ARFGAP1: variants seen among roughly 807,000 people sequenced by gnomAD.
The protein encoded by ARFGAP1 is ARF GTPase activating protein 1, also known as ADP-ribosylation factor GTPase-activating protein 1.
ARFGAP1 carries 26 observed loss-of-function variants against 54.0 expected under a neutral mutation model. The ratio of observed to expected loss-of-function variants is 0.48; its 90% CI spans 0.35 to 0.67. The LOEUF is 0.67. ARFGAP1 is among the 30% of genes least tolerant of loss of function. ARFGAP1 has a pLI of 0.00. For missense variants in ARFGAP1, 525 were observed against 535.8 expected (o/e 0.98, Z 0.20); for synonymous variants, 248 against 211.9 (o/e 1.17, Z -1.48).
chr20:63,282,989 G>A (rs2067426515), intron 9 of ARFGAP1, 138 bp downstream of exon 9: 2 of 945,584 alleles, frequency 2.1e-6, no homozygotes, highest in Admixed American at 3.9e-5. Context: ...CGTAGAAGGG[G>A]GTGTTCCTGC....
At chr20:63,280,355 G>A (rs2067348225) in intron 7 of ARFGAP1, among the ~76,000 whole-genome samples, 1 of 152,150 alleles carries the variant, frequency 6.6e-6, no homozygotes, top group Non-Finnish European at 1.5e-5. Flanking sequence ...ATAGCTCACT[G>A]TGGCCTGGAA....
In ARFGAP1 at chr20:63,287,768, C is replaced by G. The variant is rs745554334; in HGVS notation, c.1116C>G (p.Thr372=). The G allele has an allele frequency of 6.3e-7, 1 of 1,599,902 alleles. No homozygotes were observed. Among genetic ancestry groups the G allele is most frequent in the Non-Finnish European group, 8.5e-7 (1 of 1,172,498 alleles). ...DSWEVWGSAS[T]NRNSNSDGGE... is the part of the protein sequence containing the mutation. The stretch of plus-strand genomic sequence containing the variant: ...GGGAGGTGTGGGGCTCGGCCTCCAC[C>G]AACAGGAACAGCAACAGCGACGGCG... Residue 372 remains threonine (T), a synonymous_variant, in exon 13 of 13, where the codon ACC becomes ACG. Transcript: ENST00000370283.
intron 5 of ARFGAP1, 139 bp downstream of exon 5, chr20:63,277,444 A>T: frequency 2.8e-6 from 2 of 712,954 alleles, no homozygotes; most frequent in South Asian, 2.6e-5. Flanking sequence ...ACAGCTTTTT[A>T]AAATTGCCAA....
At position 63,276,500 on chromosome 20, in the gene ARFGAP1, T is replaced by C; in HGVS notation, c.191T>C (p.Met64Thr). The C allele has an allele frequency of 1.2e-6, 2 of 1,613,216 alleles. No individual in the cohort carries two copies. The highest frequency in any genetic ancestry group is 1.7e-6 in the Non-Finnish European group (2 of 1,179,560). ...VHLSFVRSVTMDKWKDIELEK... is the reference protein window; with the variant it reads ...VHLSFVRSVTTDKWKDIELEK... ...TCCAGCTTTGTGCGCTCTGTTACTA[T>C]GGACAAGTGGAAGGACATTGAGCTT... is the stretch of plus-strand genomic sequence containing the variant. The change falls in exon 4 of 13, where the codon ATG (methionine) becomes ACG (threonine). Residue 64 changes from methionine to threonine, a missense_variant. Met to Thr is a moderately conservative substitution (Grantham distance 81). This residue lies in a region of ARFGAP1 where 466 missense variants were observed against 453.6 expected (regional missense o/e 1.03). Coordinates refer to ENST00000370283, the MANE Select transcript of ARFGAP1 (RefSeq NM_018209.4). The surrounding 1 kb of genome is among the most constrained non-coding windows in gnomAD (Gnocchi z 5.2).
intron 9 of ARFGAP1, chr20:63,284,108 G>A (rs762679600): frequency 3.5e-5 from 47 of 1,327,758 alleles, no homozygotes; most frequent in African/African-American, 7.6e-5. Flanking sequence ...CGCTCCCCCC[G>A]GGCAAAAAAA....
chr20:63,273,641 T>A (rs1259185118), intron 1 of ARFGAP1: 1 of 152,202 alleles, frequency 6.6e-6, no homozygotes, highest in African/African-American at 2.4e-5. Context: ...TTACACACTC[T>A]CTCCCTCCGG....
rs961735000 is a variant in ARFGAP1 at position 63,284,857 on chromosome 20, T to G, written c.718-9T>G. On this transcript the variant is annotated splice_polypyrimidine_tract_variant and intron_variant, in intron 9 of 12. Transcript: ENST00000370283. ...TGTCGTGGGGCTCACGTGACTTCCCTTCCTACAGGCGTCCGAGCTGGGCCA... is the reference window on the plus strand; with the variant it reads ...TGTCGTGGGGCTCACGTGACTTCCCGTCCTACAGGCGTCCGAGCTGGGCCA... The G allele has an allele frequency of 6.2e-7, 1 of 1,612,478 alleles. No individual in the cohort carries two copies. The highest frequency in any genetic ancestry group is 1.3e-5 in the African/African-American group (1 of 74,910).
chr20:63,275,697 G>A (rs949792561), intron 2 of ARFGAP1, 57 bp downstream of exon 2: 23 of 1,553,600 alleles, frequency 1.5e-5, no homozygotes, highest in East Asian at 4.5e-5. Flanking sequence ...AGTGAGTTCC[G>A]GGAAGTTGTA....
intron 7 of ARFGAP1, among the ~76,000 whole-genome samples, chr20:63,279,868 A>G (rs1438837990): frequency 6.6e-6 from 1 of 152,162 alleles, no homozygotes; most frequent in African/African-American, 2.4e-5. Context: ...TGTAGGTGTG[A>G]TGGCTCACGC....
chr20:63,277,764 T>C (rs930788060), intron 5 of ARFGAP1, among the ~76,000 whole-genome samples: 34 of 152,338 alleles, frequency 2.2e-4, no homozygotes, highest in Admixed American at 1.4e-3. Context: ...AGCCCTGTAG[T>C]CCTGCCACAT....
chr20:63,274,017 T>G (rs1008002526), intron 1 of ARFGAP1: 1 of 152,202 alleles, frequency 6.6e-6, no homozygotes, highest in African/African-American at 2.4e-5. Context: ...TATAGGTGGA[T>G]GCTCAGTTTG....
chr20:63,286,436 T>C lies in ARFGAP1; in HGVS notation c.905T>C (p.Leu302Ser). 1 of 1,613,298 alleles carries C rather than the reference T, an allele frequency of 6.2e-7. No individual in the cohort carries two copies. Residue 302 changes from leucine (L) to serine (S), a missense_variant, in exon 12 of 13, where the codon TTG becomes TCG. Around this residue, in one of 3 missense-constraint regions of ARFGAP1, gnomAD observed 466 missense variants for 453.6 expected, o/e 1.03. Transcript: ENST00000370283. ...TTTTCGGGGAAAGCAGAGGGCCCCT[T>C]GGACAGGTATGCTGTGTCCCCTCCT... ...TFFSGKAEGP[L>S]DSPSEGHSYQ...
Position 63,276,296 on chromosome 20 carries a change from G to T in ARFGAP1, c.170+96G>T, listed in dbSNP as rs547034152. 7.5e-6 allele frequency: 11 copies of T among 1,457,276 alleles called. No individual in the cohort carries two copies. Among genetic ancestry groups the T allele is most frequent in the Non-Finnish European group, 1.0e-5 (11 of 1,049,910 alleles). The allele number at this position is 1,457,276 out of a possible 1,614,324, so 90.3% of individuals were successfully genotyped here. ...GTGCTGACGCCAGGGAAGCTTGGGG[G>T]CCACCTCCCATTGCATTGCCAGTGT... On this transcript the variant is annotated intron_variant, in intron 3 of 12. Coordinates refer to ENST00000370283, the MANE Select transcript of ARFGAP1 (RefSeq NM_018209.4). This position sits in a 1 kb window ranked among gnomAD's most constrained non-coding sequence, Gnocchi z 5.2.
intron 1 of ARFGAP1, chr20:63,273,282 G>A (rs2123186243): frequency 6.6e-6 from 1 of 152,342 alleles, no homozygotes; most frequent in African/African-American, 2.4e-5. Flanking sequence ...GCCTCCCGGG[G>A]CGCGAGCAGG....
intron 9 of ARFGAP1, chr20:63,284,392 C>T: frequency 9.3e-7 from 1 of 1,071,594 alleles, no homozygotes; most frequent in Non-Finnish European, 1.1e-6. Flanking sequence ...TCCACTGACC[C>T]AGGATCAGGA....
At position 63,277,320 on chromosome 20, in the gene ARFGAP1, T is replaced by C. The variant is rs778653729; in HGVS notation, c.443+15T>C. On this transcript the variant is annotated intron_variant, in intron 5 of 12. Transcript: ENST00000370283. ...ATGGTGCACCGGTAGCTGCTCCTCGTGGGGCCTTAGTACAGTTTCCACTGG... is the reference window on the plus strand; with the variant it reads ...ATGGTGCACCGGTAGCTGCTCCTCGCGGGGCCTTAGTACAGTTTCCACTGG... The C allele has an allele frequency of 6.2e-7, 1 of 1,608,468 alleles. No homozygotes were observed. Among genetic ancestry groups the C allele is most frequent in the South Asian group, 1.1e-5 (1 of 90,598 alleles).
intron 9 of ARFGAP1, chr20:63,283,799 GCCGCC>G: frequency 6.2e-7 from 1 of 1,608,092 alleles, no homozygotes; most frequent in South Asian, 1.1e-5. Flanking sequence ...GGTTACTAAT[GCCGCC>G]CCTCACCTTG....
At chr20:63,278,383 G>T in intron 6 of ARFGAP1, 180 bp downstream of exon 6, 1 of 598,590 alleles carries the variant, frequency 1.7e-6, no homozygotes, top group South Asian at 1.9e-5. Context: ...GGGGTCTTGG[G>T]TGTATTGCAG....
chr20:63,280,088 G>T (rs2067340798), intron 7 of ARFGAP1, among the ~76,000 whole-genome samples: 1 of 152,140 alleles, frequency 6.6e-6, no homozygotes, highest in Non-Finnish European at 1.5e-5. Context: ...GTTGCAGAGA[G>T]CCGAGACAGC....
Sources: gnomAD v4.1 joint callset for allele counts (sites outside exome capture counted in the v4.1 genomes callset) on GRCh38, gnomAD v4.1.1 for gene constraint, gnomAD v4.1.1 regional missense constraint, Gnocchi (gnomAD v3.1) non-coding constraint, MANE v1.5 for transcripts, NCBI Gene and HGNC (gene_info 2026-07-23, HGNC 2026-07-21) for gene names.